Variants in STEAP2 observed in about 807,000 individuals in gnomAD.
STEAP2 encodes metalloreductase STEAP2.
Under a neutral mutation model 46.4 loss-of-function variants are expected in STEAP2, and 30 were observed. The ratio of observed to expected loss-of-function variants is 0.65; its 90% confidence interval spans 0.48 to 0.88. The LOEUF (loss-of-function observed/expected upper bound fraction) is 0.88, where lower values mean the gene tolerates loss of function less well. STEAP2 is among the 40% of genes least tolerant of loss of function. The probability of loss-of-function intolerance (pLI) is 0.00; values close to 1 mark genes in which losing one functional copy is unlikely to be tolerated. For synonymous variants in STEAP2, 180 were observed against 200.5 expected, an observed-to-expected ratio of 0.90 and a Z score of 0.86; for missense variants, 513 against 579.3, an observed-to-expected ratio of 0.89 and a Z score of 1.18.
chr7:90,236,809 T>A lies in STEAP2; in HGVS notation c.*4185T>A. 6.3e-7 allele frequency: 1 copy of A among 1,581,802 alleles called. No individual in the cohort carries two copies. The highest frequency in any genetic ancestry group is 8.6e-7 in the Non-Finnish European group (1 of 1,164,114). ...TCTTCCAGTGGCCAGATGAGCTAAA[T>A]TAAATCACAAAAGCAGATGCTTTTG... On this transcript the variant is annotated 3_prime_UTR_variant, in exon 6 of 6. Transcript: ENST00000394621.
At chr7:90,238,169 T>A (rs1796014729), downstream of STEAP2, 1 of 717,300 alleles carries the variant, frequency 1.4e-6, no homozygotes, top group Non-Finnish European at 2.6e-6. Flanking sequence ...ACCACACTGC[T>A]ATATGTTGAG....
intron 2 of STEAP2, among the ~76,000 whole-genome samples, chr7:90,217,460 C>G (rs1436670017): frequency 6.6e-6 from 1 of 152,124 alleles, no homozygotes; most frequent in Non-Finnish European, 1.5e-5. Flanking sequence ...TATTCTCTAC[C>G]TCCATGGGAT....
In STEAP2 at chr7:90,232,959, A is replaced by G; in HGVS notation, c.*335A>G. ...ATATAATGTTAAAAACAATTTGCAA[A>G]CCAGCAGAATTTTAAGCTTTTAAAA... On this transcript the variant is annotated 3_prime_UTR_variant, in exon 6 of 6. Coordinates refer to ENST00000394621, the MANE Select transcript of STEAP2 (RefSeq NM_001244944.2). 2.0e-6 allele frequency: 2 copies of G among 976,130 alleles called. No homozygotes were observed. The highest frequency in any genetic ancestry group is 2.4e-6 in the Non-Finnish European group (2 of 819,748). The allele number at this position is 976,130 out of a possible 1,614,324, so 60.5% of individuals were successfully genotyped here.
chr7:90,212,908 CA>C (rs1390855799), intron 1 of STEAP2, among the ~76,000 whole-genome samples: 10 of 145,938 alleles, frequency 6.9e-5, no homozygotes, highest in Non-Finnish European at 1.5e-4. Context: ...TTTTCTAAAC[CA>C]CCTCCCCATC....
rs1794819777 is a variant in STEAP2, at chr7:90,211,856, TC to T, written c.-335del. The T allele has an allele frequency of 6.6e-6, 1 of 152,398 alleles. No individual in the cohort carries two copies. The highest frequency in any genetic ancestry group is 2.4e-5 in the African/African-American group (1 of 41,454). The allele number at this position is 152,398 out of a possible 1,614,324, so 9.4% of individuals were successfully genotyped here. A position where few individuals can be genotyped will look rare whatever the true frequency, so the allele number is the denominator to read the frequency against. The stretch of plus-strand genomic sequence containing the variant: ...CCCTCCTTCCTTCTCCCCTGGCTGT[TC>T]GCGATCCAGCTTGGGTAGGCGGGGA... On this transcript the variant is annotated 5_prime_UTR_variant, in exon 1 of 6. Transcript: ENST00000394621.
downstream of STEAP2, among the ~76,000 whole-genome samples, chr7:90,240,607 A>C (rs1388299791): frequency 6.6e-6 from 1 of 152,168 alleles, no homozygotes; most frequent in Non-Finnish European, 1.5e-5. The surrounding 1 kb of genome is among the most constrained non-coding windows in gnomAD (Gnocchi z 4.1). Flanking sequence ...AGTACAAACA[A>C]GAAAAAGTCA....
chr7:90,239,652 T>C (rs17866938), downstream of STEAP2, among the ~76,000 whole-genome samples: 6,160 of 152,248 alleles, frequency 0.04, 304 homozygotes, highest in East Asian at 0.1. Context: ...ATTATTCCCA[T>C]GTCATGGAAC....
downstream of STEAP2, among the ~76,000 whole-genome samples, chr7:90,239,658 G>A (rs17865242): frequency 0.041 from 6,157 of 151,904 alleles, 303 homozygotes; most frequent in East Asian, 0.1. Context: ...CCCATGTCAT[G>A]GAACTGAAGC....
intron 5 of STEAP2, among the ~76,000 whole-genome samples, chr7:90,230,853 T>C (rs953022982): frequency 3.3e-5 from 5 of 151,824 alleles, no homozygotes; most frequent in African/African-American, 1.2e-4. Flanking sequence ...GCTTGTTTTT[T>C]TTTTTAAGGT....
intron 2 of STEAP2, among the ~76,000 whole-genome samples, chr7:90,219,328 A>C (rs1312817637): frequency 6.6e-6 from 1 of 152,114 alleles, no homozygotes; most frequent in African/African-American, 2.4e-5. Flanking sequence ...TGTTGAATAG[A>C]AGTGGTGAAA....
chr7:90,221,795 C>G lies in STEAP2; in HGVS notation c.-33-3255C>G, dbSNP rs542297008. Among the ~76,000 whole-genome samples the G allele has an allele frequency of 3.1e-4, 47 of 152,276 alleles. No individual in the cohort carries two copies. The South Asian group carries it at 5.0e-3, about 16-fold the overall frequency. On this transcript the variant is annotated intron_variant, in intron 2 of 5. Coordinates refer to ENST00000394621, the MANE Select transcript of STEAP2 (RefSeq NM_001244944.2). ...TAAAAACAGCAAGAGAATGACCAGTCACCTATAAAGGAACTCCCAGCAAAA... is the reference window on the plus strand; with the variant it reads ...TAAAAACAGCAAGAGAATGACCAGTGACCTATAAAGGAACTCCCAGCAAAA...
intron 2 of STEAP2, among the ~76,000 whole-genome samples, chr7:90,223,465 T>A (rs1391297034): frequency 1.3e-5 from 2 of 152,210 alleles, no homozygotes; most frequent in African/African-American, 4.8e-5. Context: ...CAATTATACC[T>A]TTTACAGACA....
intron 3 of STEAP2, among the ~76,000 whole-genome samples, 188 bp from the exon 4 acceptor site, chr7:90,226,783 C>G (rs1021527334): frequency 1.4e-4 from 21 of 152,084 alleles, no homozygotes; most frequent in African/African-American, 5.1e-4. Flanking sequence ...ACTTGGTGCT[C>G]AATAAATACT....
intron 1 of STEAP2, among the ~76,000 whole-genome samples, chr7:90,214,278 T>C (rs1201316934): frequency 6.6e-6 from 1 of 152,110 alleles, no homozygotes; most frequent in Non-Finnish European, 1.5e-5. Context: ...CTCCCAATTT[T>C]CTGATTGGAG....
chr7:90,225,196 T>A lies in STEAP2; in HGVS notation c.114T>A (p.Ser38Arg), dbSNP rs922652304. Residue 38 changes from serine (S) to arginine (R), a missense_variant, in exon 3 of 6, where the codon AGT (serine) becomes AGA (arginine). Physicochemically the swap from Ser to Arg is moderately radical, Grantham distance 110. Coordinates refer to ENST00000394621, the MANE Select transcript of STEAP2 (RefSeq NM_001244944.2). ...AGGTCACTGTAGGTGTGATTGGAAG[T>A]GGAGATTTTGCCAAATCCTTGACCA... ...ARKVTVGVIG[S>R]GDFAKSLTIR... The A allele has an allele frequency of 1.9e-6, 3 of 1,613,898 alleles. No homozygotes were observed. Among genetic ancestry groups the A allele is most frequent in the Admixed American group, 3.3e-5 (2 of 59,968 alleles).
intron 2 of STEAP2, among the ~76,000 whole-genome samples, chr7:90,217,016 C>T (rs1250921185): frequency 2.6e-5 from 4 of 152,146 alleles, no homozygotes; most frequent in East Asian, 1.9e-4. Context: ...CTACCATAAG[C>T]GTAGTGCCAA....
At chr7:90,238,522 A>G (rs1198904018), downstream of STEAP2, among the ~76,000 whole-genome samples, 2 of 152,200 alleles carry the variant, frequency 1.3e-5, no homozygotes, top group Admixed American at 6.5e-5. Context: ...CTAAAGTGCA[A>G]TAATTCATAA....
At chr7:90,228,690 A>T (rs1322016485) in intron 4 of STEAP2, among the ~76,000 whole-genome samples, 1 of 152,184 alleles carries the variant, frequency 6.6e-6, no homozygotes, top group East Asian at 1.9e-4. Flanking sequence ...AAGTAAGTTC[A>T]TGAGAAGAGG....
At chr7:90,229,391 C>T (rs1795640305) in intron 4 of STEAP2, among the ~76,000 whole-genome samples, 1 of 152,122 alleles carries the variant, frequency 6.6e-6, no homozygotes, top group Non-Finnish European at 1.5e-5. Flanking sequence ...ATATATTATT[C>T]ATGTGATGGA....
Sources: gnomAD v4.1 joint callset for allele counts (sites outside exome capture counted in the v4.1 genomes callset) on GRCh38, gnomAD v4.1.1 for gene constraint, Gnocchi (gnomAD v3.1) non-coding constraint, MANE v1.5 for transcripts, NCBI Gene and HGNC (gene_info 2026-07-23, HGNC 2026-07-21) for gene names.